Variants in PANK3 observed in about 807,000 individuals in gnomAD.
PANK3 encodes the protein hPanK3.
In PANK3, 20 loss-of-function variants were observed where a neutral mutation model predicts 39.4. That is an observed-to-expected ratio of 0.51 (90% CI 0.36 to 0.74). The LOEUF is 0.74. Ranked by LOEUF, PANK3 falls within the 30% of genes least tolerant of loss-of-function variation. PANK3 has a pLI of 0.00. For synonymous variants in PANK3, 140 were observed against 157.3 expected (o/e 0.89, Z 0.82); for missense variants, 265 against 437.0 (o/e 0.61, Z 3.51).
Position 168,553,506 on chromosome 5 carries a change from A to T in PANK3, c.*4065T>A. The T allele has an allele frequency of 2.8e-6, 1 of 351,952 alleles. No homozygotes were observed. The highest frequency in any genetic ancestry group is 7.6e-5 in the East Asian group (1 of 13,124). 21.8% of individuals were successfully genotyped at this position (351,952 alleles called of 1,614,324 possible). A position where few individuals can be genotyped will look rare whatever the true frequency, so the allele number is the denominator to read the frequency against. On this transcript the variant is annotated 3_prime_UTR_variant, in exon 7 of 7. Coordinates refer to ENST00000239231, the MANE Select transcript of PANK3 (RefSeq NM_024594.4). ...GAGCCAATCATATCACCATTGGGGAAGATGGCCACAGACAAGGGCCAGGGG... is the reference window on the plus strand; with the variant it reads ...GAGCCAATCATATCACCATTGGGGATGATGGCCACAGACAAGGGCCAGGGG...
chr5:168,553,324 C>T lies in PANK3; in HGVS notation c.*4247G>A. ...CATGGGCACAAAACTTGTGCAGAGT[C>T]CGCATTACAAGCCAGTAATCTAGTG... On this transcript the variant is annotated 3_prime_UTR_variant, in exon 7 of 7. Coordinates refer to ENST00000239231, the MANE Select transcript of PANK3 (RefSeq NM_024594.4). The T allele has an allele frequency of 1.9e-6, 1 of 525,686 alleles. No individual in the cohort carries two copies. Among genetic ancestry groups the T allele is most frequent in the Non-Finnish European group, 3.8e-6 (1 of 264,314 alleles). The allele number at this position is 525,686 out of a possible 1,614,324, so 32.6% of individuals were successfully genotyped here.
At chr5:168,569,936 C>T (rs984214028) in intron 1 of PANK3, among the ~76,000 whole-genome samples, 11 of 152,030 alleles carry the variant, frequency 7.2e-5, no homozygotes, top group Admixed American at 5.9e-4. Flanking sequence ...CCTGTAGTCC[C>T]AGTTACAGGA....
chr5:168,573,965 C>T (rs550411026), intron 1 of PANK3, among the ~76,000 whole-genome samples: 1 of 152,112 alleles, frequency 6.6e-6, no homozygotes, highest in African/African-American at 2.4e-5. Flanking sequence ...GTGAATAATG[C>T]TGCAATAAAC....
chr5:168,560,317 A>C (rs1230663342), intron 5 of PANK3, among the ~76,000 whole-genome samples: 1 of 152,158 alleles, frequency 6.6e-6, no homozygotes, highest in Admixed American at 6.5e-5. Context: ...TTTCTCCCCA[A>C]AATGTCTACA....
rs574960925 is a variant in PANK3, at chr5:168,573,416, C to CAAAAAAAAAAAAA, written c.29-4431_29-4419dup. On this transcript the variant is annotated intron_variant, in intron 1 of 6. Transcript: ENST00000239231. ...CACGAGATGCAGAACCTCAGCAAGG[C>CAAAAAAAAAAAAA]AAAAAAAAAAAAAAAAAAAAAAAAA... Among the ~76,000 whole-genome samples, 18 of 16,950 alleles carry CAAAAAAAAAAAAA rather than the reference C, an allele frequency of 1.1e-3. 1 individual carries two copies. The highest frequency in any genetic ancestry group is 1.3e-3 in the Non-Finnish European group (13 of 9,998). The allele number at this position is 16,950 out of a possible 152,430, so 11.1% of individuals were successfully genotyped here.
intron 1 of PANK3, among the ~76,000 whole-genome samples, chr5:168,572,375 TTA>T: frequency 6.6e-6 from 1 of 152,114 alleles, no homozygotes. Context: ...ACAAGGCTGT[TTA>T]TTTCACCTGG....
intron 5 of PANK3, among the ~76,000 whole-genome samples, chr5:168,560,470 T>C (rs927079061): frequency 1.3e-5 from 2 of 152,230 alleles, no homozygotes; most frequent in Non-Finnish European, 2.9e-5. Flanking sequence ...TCCTGTTTGA[T>C]GGTCTCTTTT....
chr5:168,562,387 A>G (rs1309555537), intron 4 of PANK3, among the ~76,000 whole-genome samples: 3 of 152,238 alleles, frequency 2.0e-5, no homozygotes, highest in Admixed American at 6.5e-5. Flanking sequence ...ACTAAAGGTT[A>G]AAGGCACACA....
At chr5:168,557,690 G>A in intron 6 of PANK3, 69 bp from the exon 7 acceptor site, 5 of 1,231,610 alleles carry the variant, frequency 4.1e-6, no homozygotes, top group Non-Finnish European at 5.9e-6. Context: ...AACCACTTGA[G>A]AACACACAAC....
At chr5:168,573,960 T>A (rs1759689827) in intron 1 of PANK3, among the ~76,000 whole-genome samples, 1 of 152,108 alleles carries the variant, frequency 6.6e-6, no homozygotes, top group African/African-American at 2.4e-5. Context: ...CTACTGTGAA[T>A]AATGCTGCAA....
In PANK3 at chr5:168,569,913, G is replaced by A. The variant is rs564694365; in HGVS notation, c.29-915C>T. On this transcript the variant is annotated intron_variant, in intron 1 of 6. Coordinates refer to ENST00000239231, the MANE Select transcript of PANK3 (RefSeq NM_024594.4). ...CAAAAAATTTAAAAATTAGCTGGGC[G>A]TGGCAGCATGCACCTGTAGTCCCAG... 9.2e-5 allele frequency among the ~76,000 whole-genome samples: 14 copies of A among 152,186 alleles called. No individual in the cohort carries two copies. In the East Asian group the frequency reaches 2.5e-3, roughly 27 times the overall value.
At chr5:168,565,254 ATCTTCACC>A (rs1245657924) in intron 3 of PANK3, among the ~76,000 whole-genome samples, 1 of 152,220 alleles carries the variant, frequency 6.6e-6, no homozygotes, top group Non-Finnish European at 1.5e-5. Flanking sequence ...TTAAACTGGA[ATCTTCACC>A]TCTCTGTAAA....
At chr5:168,571,070 AAGATTATACTATAGTC>A (rs984416354) in intron 1 of PANK3, among the ~76,000 whole-genome samples, 4 of 152,174 alleles carry the variant, frequency 2.6e-5, no homozygotes, top group Non-Finnish European at 4.4e-5. Flanking sequence ...ATATATTCGG[AAGATTATACTATAGTC>A]AGATCTAAAT....
chr5:168,557,242 T>A lies in PANK3; in HGVS notation c.*329A>T. Reference sequence around the variant, plus strand: ...TTCAGAGTCGATTATTTTCATAAGCTAAACAGTTCCGATACTTTAAGATTT... The same window carrying A: ...TTCAGAGTCGATTATTTTCATAAGCAAAACAGTTCCGATACTTTAAGATTT... On this transcript the variant is annotated 3_prime_UTR_variant, in exon 7 of 7. Transcript: ENST00000239231. 6 of 182,458 alleles carry A rather than the reference T, an allele frequency of 3.3e-5. No individual in the cohort carries two copies. Among genetic ancestry groups the A allele is most frequent in the Non-Finnish European group, 5.8e-5 (5 of 86,782 alleles). The allele number at this position is 182,458 out of a possible 1,614,324, so 11.3% of individuals were successfully genotyped here.
At position 168,561,526 on chromosome 5, in the gene PANK3, A is replaced by G. The variant is rs746274899; in HGVS notation, c.813-10T>C. On this transcript the variant is annotated splice_polypyrimidine_tract_variant and intron_variant, in intron 4 of 6. Transcript: ENST00000239231. The stretch of plus-strand genomic sequence containing the variant: ...AATCATATTCCCAAAACTGCAGAAA[A>G]ATGAAAAATAAAGTCAAATCTGCTG... 6.4e-7 allele frequency: 1 copy of G among 1,556,498 alleles called. No homozygotes were observed. The highest frequency in any genetic ancestry group is 8.7e-7 in the Non-Finnish European group (1 of 1,154,440).
At chr5:168,569,666 G>T (rs181428413) in intron 1 of PANK3, among the ~76,000 whole-genome samples, 1 of 152,034 alleles carries the variant, frequency 6.6e-6, no homozygotes, top group African/African-American at 2.4e-5. Context: ...TCAACACTAA[G>T]GGCATGAAAA....
intron 5 of PANK3, 34 bp downstream of exon 5, chr5:168,561,354 TTTTTG>T: frequency 1.3e-6 from 2 of 1,540,472 alleles, no homozygotes; most frequent in Non-Finnish European, 1.7e-6. Flanking sequence ...CCAATTCACA[TTTTTG>T]ATAATTCAAG....
At chr5:168,571,095 A>G (rs1759623058) in intron 1 of PANK3, among the ~76,000 whole-genome samples, 1 of 152,228 alleles carries the variant, frequency 6.6e-6, no homozygotes, top group Non-Finnish European at 1.5e-5. Context: ...TCAGATCTAA[A>G]TGGCATTTGA....
chr5:168,553,519 C>A lies in PANK3; in HGVS notation c.*4052G>T. 2.9e-6 allele frequency: 1 copy of A among 348,142 alleles called. No individual in the cohort carries two copies. The highest frequency in any genetic ancestry group is 2.3e-5 in the South Asian group (1 of 43,270). 21.6% of individuals were successfully genotyped at this position (348,142 alleles called of 1,614,324 possible). A position where few individuals can be genotyped will look rare whatever the true frequency, so the allele number is the denominator to read the frequency against. The stretch of plus-strand genomic sequence containing the variant: ...CACCATTGGGGAAGATGGCCACAGA[C>A]AAGGGCCAGGGGGACATGAGCAAAA... On this transcript the variant is annotated 3_prime_UTR_variant, in exon 7 of 7. Coordinates refer to ENST00000239231, the MANE Select transcript of PANK3 (RefSeq NM_024594.4).
Sources: allele counts gnomAD v4.1 joint callset (sites outside exome capture counted in the v4.1 genomes callset), GRCh38; gene constraint gnomAD v4.1.1; transcripts MANE v1.5; gene names NCBI Gene and HGNC (gene_info 2026-07-23, HGNC 2026-07-21).